Variants in ITGB2 observed in about 807,000 individuals in gnomAD.
ITGB2 encodes integrin subunit beta 2.
Under a neutral mutation model 86.8 loss-of-function variants are expected in ITGB2, and 56 were observed. The observed-to-expected ratio is 0.65, with a 90% confidence interval of 0.52 to 0.81. The LOEUF is 0.81. Among genes scored for constraint, ITGB2 ranks in the 30% least tolerant of loss-of-function variants. ITGB2 has a pLI of 0.00. For synonymous variants in ITGB2, 457 were observed against 450.4 expected (o/e 1.01, Z -0.19); for missense variants, 948 against 1,061.2 (o/e 0.89, Z 1.48).
At chr21:44,892,099 C>T in intron 10 of ITGB2, 103 bp from the exon 11 acceptor site, 1 of 1,159,434 alleles carries the variant, frequency 8.6e-7, no homozygotes, top group Non-Finnish European at 1.2e-6. Flanking sequence ...CTGGGGGGTT[C>T]AGCGTGGGGA....
intron 5 of ITGB2, among the ~76,000 whole-genome samples, chr21:44,902,602 C>A (rs1181559358): frequency 6.6e-6 from 1 of 150,830 alleles, no homozygotes; most frequent in Non-Finnish European, 1.5e-5. Flanking sequence ...CATGCATTCG[C>A]GTGTGTGAGC....
rs747142946 is a variant in ITGB2 at position 44,886,847 on chromosome 21, G to C, written c.2136C>G (p.Ile712Met). Reference sequence around the variant, plus strand: ...CCAGCAGGAGAATGCCGATCAGCACGATGCCTGCCACGGTGCCCCCGACGA... The same window carrying C: ...CCAGCAGGAGAATGCCGATCAGCACCATGCCTGCCACGGTGCCCCCGACGA... Reference protein sequence around the residue: ...AAIVGGTVAGIVLIGILLLVI... With the variant: ...AAIVGGTVAGMVLIGILLLVI... The change falls in exon 15 of 16, where the codon ATC becomes ATG. Residue 712 changes from isoleucine (I) to methionine (M), a missense_variant. Physicochemically the swap from Ile to Met is conservative, Grantham distance 10 (BLOSUM62 1). Coordinates refer to ENST00000652462, the MANE Select transcript of ITGB2 (RefSeq NM_000211.5). 3.1e-6 allele frequency: 5 copies of C among 1,613,626 alleles called. No individual in the cohort carries two copies. In the South Asian group the frequency reaches 4.4e-5, roughly 14 times the overall value.
chr21:44,886,825 G>A lies in ITGB2; in HGVS notation c.2158C>T (p.Leu720=). 2 of 1,613,876 alleles carry A rather than the reference G, an allele frequency of 1.2e-6. No homozygotes were observed. Among genetic ancestry groups the A allele is most frequent in the Non-Finnish European group, 1.7e-6 (2 of 1,180,026 alleles). ...TGGATCAGAGCCTTCCAGATGACCAGCAGGAGAATGCCGATCAGCACGATG... is the reference window on the plus strand; with the variant it reads ...TGGATCAGAGCCTTCCAGATGACCAACAGGAGAATGCCGATCAGCACGATG... ...AGIVLIGILL[L]VIWKALIHLS... Residue 720 remains leucine, a synonymous_variant, in exon 15 of 16, where the codon CTG becomes TTG. Transcript: ENST00000652462.
chr21:44,919,459 G>A (rs1012421913), intron 1 of ITGB2, among the ~76,000 whole-genome samples: 4 of 152,300 alleles, frequency 2.6e-5, no homozygotes, highest in East Asian at 1.9e-4. Flanking sequence ...GCTGGCCCCC[G>A]GGGATTCTGC....
rs540063983 is a variant in ITGB2, at chr21:44,906,455, TGAAACAGGTGCTCTGGTCAAGTC to T, written c.328+437_328+459del. Among the ~76,000 whole-genome samples the T allele has an allele frequency of 3.0e-4, 46 of 152,260 alleles. No homozygotes were observed. The East Asian group carries it at 4.4e-3, about 15-fold the overall frequency. On this transcript the variant is annotated intron_variant, in intron 4 of 15. Coordinates refer to ENST00000652462, the MANE Select transcript of ITGB2 (RefSeq NM_000211.5). ...AAAGCACTGACAGGGGACTGTGTTC[TGAAACAGGTGCTCTGGTCAAGTC>T]GAAACAGGTGCTCTGGTCAAGTCAG...
In ITGB2 at chr21:44,926,246, G is replaced by A. The variant is rs76011179; in HGVS notation, c.-4+2408C>T. 9.0e-3 allele frequency among the ~76,000 whole-genome samples: 1,372 copies of A among 152,314 alleles called. 20 individuals are homozygous for A. The highest frequency in any genetic ancestry group is 0.031 in the African/African-American group (1,292 of 41,554). ...ATGGGGGGACCCAGACCTCCATTCC[G>A]GGGACTCACTCAGCACTCATCTTAC... On this transcript the variant is annotated intron_variant, in intron 1 of 15. Transcript: ENST00000355153.
In ITGB2 at chr21:44,889,099, G is replaced by A. The variant is rs2083744515; in HGVS notation, c.1877+177C>T. The A allele has an allele frequency of 8.6e-6, 6 of 701,138 alleles. No individual in the cohort carries two copies. The Admixed American group carries it at 1.4e-4, about 16-fold the overall frequency. 43.4% of individuals were successfully genotyped at this position (701,138 alleles called of 1,614,324 possible). On this transcript the variant is annotated intron_variant, in intron 13 of 15. Transcript: ENST00000652462. Reference sequence around the variant, plus strand: ...CAGGGCCCGCGGCAGGTGCGCACAGGAGGGAGGAGGGACACAGGGGCACGG... The same window carrying A: ...CAGGGCCCGCGGCAGGTGCGCACAGAAGGGAGGAGGGACACAGGGGCACGG...
intron 4 of ITGB2, among the ~76,000 whole-genome samples, chr21:44,904,042 T>G (rs2084006433): frequency 6.6e-6 from 1 of 152,164 alleles, no homozygotes. Context: ...CGTGCGGTTG[T>G]GTAGCTGTCT....
intron 12 of ITGB2, 53 bp downstream of exon 12, chr21:44,889,925 A>G: frequency 6.2e-7 from 1 of 1,608,242 alleles, no homozygotes; most frequent in South Asian, 1.1e-5. Context: ...ACCCCCCAAC[A>G]CCAAGTCTGT....
At chr21:44,897,891 GGCGTGCAGT>G in intron 8 of ITGB2, among the ~76,000 whole-genome samples, 1 of 152,340 alleles carries the variant, frequency 6.6e-6, no homozygotes, top group Admixed American at 6.5e-5. Flanking sequence ...CTTTCAGGAG[GGCGTGCAGT>G]GTTTCCTTCC....
intron 2 of ITGB2, 97 bp from the exon 3 acceptor site, chr21:44,910,469 A>T (rs949303640): frequency 5.7e-6 from 9 of 1,589,768 alleles, no homozygotes; most frequent in African/African-American, 1.3e-5. Context: ...GCCCAAAAAG[A>T]CAGGGAGGCA....
intron 4 of ITGB2, 89 bp downstream of exon 4, chr21:44,906,826 C>T (rs1601315872): frequency 1.4e-6 from 2 of 1,433,158 alleles, no homozygotes; most frequent in Middle Eastern, 1.8e-4. Context: ...TCTGGGCAGC[C>T]CTGACACCCC....
intron 11 of ITGB2, among the ~76,000 whole-genome samples, chr21:44,890,590 T>C (rs568758726): frequency 6.6e-6 from 1 of 152,218 alleles, no homozygotes; most frequent in Admixed American, 6.5e-5. Flanking sequence ...CAGTGGGGAC[T>C]CGGCACTGCC....
intron 1 of ITGB2, among the ~76,000 whole-genome samples, chr21:44,917,592 G>C (rs2084230512): frequency 6.6e-6 from 1 of 152,168 alleles, no homozygotes; most frequent in African/African-American, 2.4e-5. Flanking sequence ...TGTTGCCACT[G>C]TCACTCACCC....
chr21:44,903,303 A>G, intron 5 of ITGB2, 62 bp downstream of exon 5: 1 of 1,592,178 alleles, frequency 6.3e-7, no homozygotes, highest in Non-Finnish European at 8.6e-7. Context: ...TGTGGGCCAC[A>G]GGCAGGAGTG....
At chr21:44,925,590 A>G (rs2084363279), upstream of ITGB2, among the ~76,000 whole-genome samples, 1 of 152,234 alleles carries the variant, frequency 6.6e-6, no homozygotes, top group Non-Finnish European at 1.5e-5. Context: ...AGCAAAACAA[A>G]AAGATCATTG....
In ITGB2 at chr21:44,889,969, C is replaced by A; in HGVS notation, c.1657+9G>T. On this transcript the variant is annotated intron_variant, in intron 12 of 15. Transcript: ENST00000652462. The stretch of plus-strand genomic sequence containing the variant: ...ACGGCCGTTGTCCAGCAGGGACCCA[C>A]GGGCTCACCCGGGCCGCCGCAGACC... 1 of 1,612,908 alleles carries A rather than the reference C, an allele frequency of 6.2e-7. No homozygotes were observed. The highest frequency in any genetic ancestry group is 8.5e-7 in the Non-Finnish European group (1 of 1,179,990).
intron 10 of ITGB2, among the ~76,000 whole-genome samples, chr21:44,892,371 G>A (rs2083798657): frequency 6.9e-6 from 1 of 144,930 alleles, no homozygotes; most frequent in African/African-American, 2.5e-5. Flanking sequence ...TGTAATCCCA[G>A]CACTGTGGGA....
intron 10 of ITGB2, among the ~76,000 whole-genome samples, chr21:44,892,480 C>T (rs1265296406): frequency 1.3e-5 from 2 of 151,912 alleles, no homozygotes; most frequent in Non-Finnish European, 2.9e-5. Flanking sequence ...ATTAGCCGAG[C>T]GTGGTGGCAC....
Sources: gnomAD v4.1 joint callset for allele counts (sites outside exome capture counted in the v4.1 genomes callset) on GRCh38, gnomAD v4.1.1 for gene constraint, MANE v1.5 for transcripts, NCBI Gene and HGNC (gene_info 2026-07-23, HGNC 2026-07-21) for gene names.